Variants in PAN3 observed in about 807,000 individuals in gnomAD.
The protein encoded by PAN3 is poly(A) specific ribonuclease subunit PAN3.
Under a neutral mutation model 96.2 loss-of-function variants are expected in PAN3, and 19 were observed. The observed-to-expected ratio is 0.20, with a 90% CI of 0.14 to 0.29. The LOEUF is 0.29. PAN3 is among the 10% of genes least tolerant of loss of function. PAN3 has a pLI of 1.00. For synonymous variants in PAN3, 433 were observed against 406.6 expected (o/e 1.06, Z -0.78); for missense variants, 882 against 1,108.1 (o/e 0.80, Z 2.90).
chr13:28,163,677 A>G (rs1873164855), intron 1 of PAN3, among the ~76,000 whole-genome samples: 1 of 152,218 alleles, frequency 6.6e-6, no homozygotes, highest in South Asian at 2.1e-4. Context: ...TTAGAAATTG[A>G]TTATACTCCA....
chr13:28,194,532 G>A (rs1217304722), intron 4 of PAN3, among the ~76,000 whole-genome samples: 4 of 145,990 alleles, frequency 2.7e-5, no homozygotes, highest in Non-Finnish European at 6.0e-5. Context: ...GTGCAGTGGC[G>A]TGATCTCGGC....
intron 3 of PAN3, among the ~76,000 whole-genome samples, chr13:28,177,588 A>G (rs1217616178): frequency 5.3e-5 from 8 of 152,022 alleles, no homozygotes; most frequent in Non-Finnish European, 1.2e-4. Context: ...CACTCACAAT[A>G]GTATGGTTAA....
chr13:28,156,074 C>T (rs1370706472), intron 1 of PAN3, among the ~76,000 whole-genome samples: 2 of 152,070 alleles, frequency 1.3e-5, no homozygotes, highest in Non-Finnish European at 2.9e-5. Context: ...CAGAGCTGAA[C>T]TGAATAAAGT....
At chr13:28,211,549 T>C (rs989379777) in intron 5 of PAN3, among the ~76,000 whole-genome samples, 2 of 152,186 alleles carry the variant, frequency 1.3e-5, no homozygotes. Context: ...ATTGAATTGC[T>C]CACAAGTTAT....
intron 18 of PAN3, among the ~76,000 whole-genome samples, chr13:28,288,929 C>T (rs1869339602): frequency 6.7e-6 from 1 of 148,924 alleles, no homozygotes; most frequent in African/African-American, 2.5e-5. Flanking sequence ...CGGGTTCACG[C>T]CATTCTCCTG....
At chr13:28,159,880 C>T (rs1250888667) in intron 1 of PAN3, among the ~76,000 whole-genome samples, 1 of 152,006 alleles carries the variant, frequency 6.6e-6, no homozygotes, top group African/African-American at 2.4e-5. Flanking sequence ...GTAATTTACC[C>T]ATGTAGCAAA....
At chr13:28,194,927 C>G (rs1877827438) in intron 4 of PAN3, among the ~76,000 whole-genome samples, 1 of 152,106 alleles carries the variant, frequency 6.6e-6, no homozygotes, top group South Asian at 2.1e-4. Flanking sequence ...AAAATTCTTT[C>G]ACTTATAACG....
At chr13:28,253,611 T>C (rs76488155) in intron 6 of PAN3, among the ~76,000 whole-genome samples, 4 of 151,434 alleles carry the variant, frequency 2.6e-5, no homozygotes, top group East Asian at 1.9e-4. Flanking sequence ...TTTTTTTTTT[T>C]CCTTAGAGAG....
chr13:28,252,780 AAAATG>A (rs1044959292), intron 6 of PAN3, among the ~76,000 whole-genome samples: 1 of 152,194 alleles, frequency 6.6e-6, no homozygotes, highest in Non-Finnish European at 1.5e-5. Context: ...AAAAATACAA[AAAATG>A]AAATACGAAA....
intron 5 of PAN3, among the ~76,000 whole-genome samples, chr13:28,212,007 A>G (rs1880091620): frequency 6.6e-6 from 1 of 152,204 alleles, no homozygotes. Flanking sequence ...AACATACTGA[A>G]GAAGAGAGAG....
chr13:28,267,574 G>A (rs1328681898), intron 12 of PAN3, among the ~76,000 whole-genome samples, 173 bp downstream of exon 12: 1 of 152,156 alleles, frequency 6.6e-6, no homozygotes, highest in Non-Finnish European at 1.5e-5. Context: ...ACCCGAGACT[G>A]GGCAATTTAC....
intron 4 of PAN3, among the ~76,000 whole-genome samples, chr13:28,190,544 G>A (rs886964449): frequency 2.0e-5 from 3 of 152,164 alleles, no homozygotes; most frequent in African/African-American, 7.2e-5. Context: ...ACAGGTGTGA[G>A]CTGCTGTGCC....
rs1172496370 is a variant in PAN3, at chr13:28,174,293, C to T, written c.452C>T (p.Ala151Val). 3 of 1,612,478 alleles carry T rather than the reference C, an allele frequency of 1.9e-6. No homozygotes were observed. The stretch of plus-strand genomic sequence containing the variant: ...TCAGTTCCAGGAATGGATGGAGGTG[C>T]TTTAACTGATACAAGTCTCACAGAT... ...RLAIPGMDGG[A>V]LTDTSLTDSY... The change falls in exon 2 of 19, where the codon GCT becomes GTT. Residue 151 changes from alanine to valine, a missense_variant. Ala to Val is a moderately conservative substitution (Grantham distance 64, BLOSUM62 0). Transcript: ENST00000380958.
chr13:28,286,805 A>C (rs761919051), intron 17 of PAN3, among the ~76,000 whole-genome samples: 18 of 152,130 alleles, frequency 1.2e-4, no homozygotes, highest in Non-Finnish European at 2.1e-4. Flanking sequence ...AAGTCCTTGG[A>C]GTGACCTTTG....
intron 14 of PAN3, among the ~76,000 whole-genome samples, chr13:28,273,463 G>A (rs1265914203): frequency 6.6e-6 from 1 of 152,100 alleles, no homozygotes; most frequent in Non-Finnish European, 1.5e-5. Flanking sequence ...TTAGCCAGGT[G>A]TGGTGGCACA....
chr13:28,272,964 C>G (rs1886756277), intron 14 of PAN3, among the ~76,000 whole-genome samples: 1 of 152,190 alleles, frequency 6.6e-6, no homozygotes, highest in Non-Finnish European at 1.5e-5. Flanking sequence ...TAAAACAAGA[C>G]TAATCAGATG....
chr13:28,220,143 A>G, intron 5 of PAN3, 88 bp from the exon 6 acceptor site: 1 of 1,251,760 alleles, frequency 8.0e-7, no homozygotes, highest in Non-Finnish European at 1.1e-6. Flanking sequence ...TTACTTAGTA[A>G]ATAAAGCACT....
At chr13:28,154,404 T>C (rs1281883615) in intron 1 of PAN3, among the ~76,000 whole-genome samples, 1 of 152,122 alleles carries the variant, frequency 6.6e-6, no homozygotes, top group East Asian at 1.9e-4. Context: ...TTTTTCTTAC[T>C]ATAGGCCTTG....
At chr13:28,242,127 C>G (rs1883726411) in intron 6 of PAN3, among the ~76,000 whole-genome samples, 1 of 152,158 alleles carries the variant, frequency 6.6e-6, no homozygotes, top group Non-Finnish European at 1.5e-5. Flanking sequence ...CCTTCACATT[C>G]CTCTATTTCT....
Sources: allele counts gnomAD v4.1 joint callset (sites outside exome capture counted in the v4.1 genomes callset), GRCh38; gene constraint gnomAD v4.1.1; transcripts MANE v1.5; gene names NCBI Gene and HGNC (gene_info 2026-07-23, HGNC 2026-07-21).